Variants in ABCA1 observed in about 807,000 individuals in gnomAD.
ABCA1 encodes ATP binding cassette subfamily A member 1, also known as phospholipid-transporting ATPase ABCA1.
Under a neutral mutation model 262.5 loss-of-function variants are expected in ABCA1, and 133 were observed. The ratio of observed to expected loss-of-function variants is 0.51; its 90% CI spans 0.44 to 0.59. ABCA1 has a LOEUF of 0.59. ABCA1 is among the 20% of genes least tolerant of loss of function. The probability of loss-of-function intolerance (pLI) is 0.00; values close to 1 mark genes in which losing one functional copy is unlikely to be tolerated. For synonymous variants in ABCA1, 1,022 were observed against 1,043.5 expected, an observed-to-expected ratio of 0.98 and a Z score of 0.40; for missense variants, 2,452 against 2,777.5, an observed-to-expected ratio of 0.88 and a Z score of 2.63.
rs1837976471 is a variant in ABCA1, at chr9:104,874,815, G to A, written c.421+8224C>T. 3.6e-5 allele frequency among the ~76,000 whole-genome samples: 5 copies of A among 140,284 alleles called. 1 individual carries two copies. The South Asian group carries it at 1.0e-3, about 29-fold the overall frequency. The allele number at this position is 140,284 out of a possible 152,430, so 92.0% of individuals were successfully genotyped here. ...CCGCCCGGCCAGCCGCCCCGTCCGG[G>A]AGGGAGGTGGGGGCCAGCCCCCGCC... On this transcript the variant is annotated intron_variant, in intron 5 of 49. Coordinates refer to ENST00000374736, the MANE Select transcript of ABCA1 (RefSeq NM_005502.4).
In ABCA1 at chr9:104,819,922, C is replaced by G; in HGVS notation, c.3103+5G>C. The G allele has an allele frequency of 6.2e-7, 1 of 1,612,464 alleles. No individual in the cohort carries two copies. Among genetic ancestry groups the G allele is most frequent in the Non-Finnish European group, 8.5e-7 (1 of 1,179,924 alleles). On this transcript the variant is annotated splice_donor_5th_base_variant and intron_variant, in intron 21 of 49. Transcript: ENST00000374736. ...AGGGATAGGGAAGGTAGCTCTGGGC[C>G]GCACCTGACAGCTGGCTTGTTTTGC...
At chr9:104,885,640 T>C (rs998603305) in intron 3 of ABCA1, among the ~76,000 whole-genome samples, 1 of 152,196 alleles carries the variant, frequency 6.6e-6, no homozygotes, top group Non-Finnish European at 1.5e-5. Flanking sequence ...AAAAGGATGA[T>C]GGGACATATT....
At chr9:104,798,313 G>C in intron 37 of ABCA1, 108 bp downstream of exon 37, 1 of 1,321,348 alleles carries the variant, frequency 7.6e-7, no homozygotes, top group Non-Finnish European at 1.1e-6. Flanking sequence ...TACATCTTTA[G>C]AGTAGCTGGA....
chr9:104,831,978 C>T, intron 12 of ABCA1, 151 bp from the exon 13 acceptor site: 1 of 798,434 alleles, frequency 1.3e-6, no homozygotes, highest in East Asian at 2.6e-5. Flanking sequence ...AACCTTCAAC[C>T]AAGAATGAAG....
intron 44 of ABCA1, among the ~76,000 whole-genome samples, chr9:104,790,324 G>C (rs1209892860): frequency 6.6e-6 from 1 of 152,028 alleles, no homozygotes; most frequent in African/African-American, 2.4e-5. Context: ...TGTATACAGG[G>C]ACATATTTAC....
chr9:104,902,872 AT>A (rs1486317414), intron 2 of ABCA1, among the ~76,000 whole-genome samples: 1 of 152,176 alleles, frequency 6.6e-6, no homozygotes, highest in Admixed American at 6.5e-5. Context: ...GGAAAAAAAA[AT>A]AAAGGCAGAA....
rs373400483 is a variant in ABCA1, at chr9:104,832,757, G to A, written c.1326C>T (p.Ser442=). Residue 442 remains serine, a synonymous_variant, in exon 12 of 50, where the codon AGC becomes AGT. Transcript: ENST00000374736. Reference sequence around the variant, plus strand: ...GTTCCCAAAAGTGGTCATTGTCCCTGCTGTCCAACAGCATCTGCCATTCCA... The same window carrying A: ...GTTCCCAAAAGTGGTCATTGTCCCTACTGTCCAACAGCATCTGCCATTCCA... ...EMDLVRMLLD[S]RDNDHFWEQQ... is the part of the protein sequence containing the mutation. 1 of 1,614,196 alleles carries A rather than the reference G, an allele frequency of 6.2e-7. No individual in the cohort carries two copies. The highest frequency in any genetic ancestry group is 8.5e-7 in the Non-Finnish European group (1 of 1,180,040).
chr9:104,819,920 G>T lies in ABCA1; in HGVS notation c.3103+7C>A, dbSNP rs952934153. The T allele has an allele frequency of 6.2e-6, 10 of 1,612,168 alleles. No individual in the cohort carries two copies. Among genetic ancestry groups the T allele is most frequent in the Non-Finnish European group, 8.5e-6 (10 of 1,179,932 alleles). ...AGAGGGATAGGGAAGGTAGCTCTGG[G>T]CCGCACCTGACAGCTGGCTTGTTTT... is the stretch of plus-strand genomic sequence containing the variant. On this transcript the variant is annotated splice_region_variant and intron_variant, in intron 21 of 49. Transcript: ENST00000374736.
chr9:104,782,355 A>T lies in ABCA1; in HGVS notation c.*1960T>A, dbSNP rs2118824261. ...GGGTTATATAATATTCTGTAAATTT[A>T]AAAAATATAGAAAGATTAATTTGAA... On this transcript the variant is annotated 3_prime_UTR_variant, in exon 50 of 50. Transcript: ENST00000374736. The T allele has an allele frequency of 6.6e-6, 1 of 152,224 alleles. No homozygotes were observed. Among genetic ancestry groups the T allele is most frequent in the Non-Finnish European group, 1.5e-5 (1 of 67,950 alleles). 9.4% of individuals were successfully genotyped at this position (152,224 alleles called of 1,614,324 possible). A position where few individuals can be genotyped will look rare whatever the true frequency, so the allele number is the denominator to read the frequency against.
intron 27 of ABCA1, 67 bp downstream of exon 27, chr9:104,814,051 G>A: frequency 6.6e-7 from 1 of 1,518,440 alleles, no homozygotes; most frequent in East Asian, 2.3e-5. Context: ...AAAGAAAACA[G>A]GTGAGAGCAT....
chr9:104,867,994 T>A (rs1474984657), intron 5 of ABCA1, among the ~76,000 whole-genome samples: 1 of 152,210 alleles, frequency 6.6e-6, no homozygotes, highest in Non-Finnish European at 1.5e-5. Context: ...TCACAGGGTC[T>A]GAATTCAAGA....
rs1342374690 is a variant in ABCA1, at chr9:104,803,301, G to T, written c.4575C>A (p.Ile1525=). The T allele has an allele frequency of 6.2e-7, 1 of 1,613,988 alleles. No individual in the cohort carries two copies. Among genetic ancestry groups the T allele is most frequent in the African/African-American group, 1.3e-5 (1 of 74,906 alleles). Residue 1525 remains isoleucine (I), a synonymous_variant, in exon 33 of 50, where the codon ATC becomes ATA. Coordinates refer to ENST00000374736, the MANE Select transcript of ABCA1 (RefSeq NM_005502.4). ...QIIAKSLKNK[I]WVNEFRYGGF... ...CAACTTACCTAAACTCATTCACCCA[G>T]ATCTTGTTCTTTAAGCTGCAGAGAC...
chr9:104,877,173 G>C (rs1212554382), intron 5 of ABCA1, among the ~76,000 whole-genome samples: 2 of 152,178 alleles, frequency 1.3e-5, no homozygotes, highest in African/African-American at 2.4e-5. Context: ...ACTTTTTGAA[G>C]AACTTCTGTC....
chr9:104,849,210 G>A (rs1835163588), intron 7 of ABCA1, among the ~76,000 whole-genome samples: 1 of 152,186 alleles, frequency 6.6e-6, no homozygotes, highest in African/African-American at 2.4e-5. Flanking sequence ...ACACAGCAGG[G>A]CCTAAAGCAT....
chr9:104,885,472 C>A (rs1228084289), intron 3 of ABCA1, among the ~76,000 whole-genome samples: 1 of 149,432 alleles, frequency 6.7e-6, no homozygotes. Flanking sequence ...CTCAAGGGCA[C>A]CTGAAAAACA....
Position 104,821,513 on chromosome 9 carries a change from A to G in ABCA1, c.2829-7T>C, listed in dbSNP as rs1352314806. The G allele has an allele frequency of 6.2e-7, 1 of 1,613,748 alleles. No homozygotes were observed. The highest frequency in any genetic ancestry group is 8.5e-7 in the Non-Finnish European group (1 of 1,179,988). ...CAACCCGGTCAGGATTGACCTGAGGACAAAAATTTAGAAGTACAGAAGTCA... is the reference window on the plus strand; with the variant it reads ...CAACCCGGTCAGGATTGACCTGAGGGCAAAAATTTAGAAGTACAGAAGTCA... On this transcript the variant is annotated splice_region_variant and splice_polypyrimidine_tract_variant and intron_variant, in intron 19 of 49. Transcript: ENST00000374736.
Position 104,883,043 on chromosome 9 carries a change from G to A in ABCA1, c.417C>T (p.Ser139=). 1 of 1,612,394 alleles carries A rather than the reference G, an allele frequency of 6.2e-7. No homozygotes were observed. The change falls in exon 5 of 50, where the codon AGC becomes AGT. Residue 139 remains serine, a synonymous_variant. Transcript: ENST00000374736. The part of the protein sequence containing the change: ...LRTLQQIKKS[S]SNLKLQDFLV... ...GCAGAGAAGGTTTTTACTTACTTGA[G>A]CTGGATTTCTTGATCTGCTGTAATG...
At chr9:104,868,906 G>A (rs950389611) in intron 5 of ABCA1, among the ~76,000 whole-genome samples, 2 of 152,092 alleles carry the variant, frequency 1.3e-5, no homozygotes, top group Non-Finnish European at 2.9e-5. Context: ...ATGACGCGGG[G>A]TGGGGGCGAG....
At position 104,816,330 on chromosome 9, in the gene ABCA1, G is replaced by A; in HGVS notation, c.3551C>T (p.Ser1184Phe). 3 of 1,613,758 alleles carry A rather than the reference G, an allele frequency of 1.9e-6. No homozygotes were observed. The highest frequency in any genetic ancestry group is 2.5e-6 in the Non-Finnish European group (3 of 1,179,998). The part of the protein sequence containing the change: ...DTLTIDVSAI[S>F]NLIRKHVSEA... Reference sequence around the variant, plus strand: ...AGACACATGCTTCCTGATGAGGTTGGAGATAGCAGAGACATCTGCAGGGAC... The same window carrying A: ...AGACACATGCTTCCTGATGAGGTTGAAGATAGCAGAGACATCTGCAGGGAC... Residue 1184 changes from serine to phenylalanine, a missense_variant, in exon 25 of 50, where the codon TCC becomes TTC. Physicochemically the swap from Ser to Phe is radical, Grantham distance 155. Transcript: ENST00000374736.
Sources: gnomAD v4.1 joint callset for allele counts (sites outside exome capture counted in the v4.1 genomes callset) on GRCh38, gnomAD v4.1.1 for gene constraint, MANE v1.5 for transcripts, NCBI Gene and HGNC (gene_info 2026-07-23, HGNC 2026-07-21) for gene names.